The following REPS1 variants were observed in gnomAD, a reference collection of about 807,000 sequenced individuals.
The protein encoded by REPS1 is ralBP1-associated Eps domain-containing protein 1.
In REPS1, 39 loss-of-function variants were observed where a neutral mutation model predicts 100.9. The observed-to-expected ratio is 0.39, with a 90% CI of 0.30 to 0.50. REPS1 has a LOEUF of 0.50. Among genes scored for constraint, REPS1 ranks in the 20% least tolerant of loss-of-function variants. The probability of loss-of-function intolerance (pLI) is 0.86; values close to 1 mark genes in which losing one functional copy is unlikely to be tolerated. For synonymous variants in REPS1, 324 were observed against 340.3 expected (o/e 0.95, Z 0.53); for missense variants, 821 against 968.5 (o/e 0.85, Z 2.02).
intron 8 of REPS1, among the ~76,000 whole-genome samples, chr6:138,930,574 A>G (rs1781427345): frequency 6.6e-6 from 1 of 152,208 alleles, no homozygotes; most frequent in East Asian, 1.9e-4. Flanking sequence ...CAAAGTTTAA[A>G]ATAAGCTTTG....
intron 9 of REPS1, chr6:138,928,676 C>A (rs993334751): frequency 6.6e-6 from 1 of 152,086 alleles, no homozygotes; most frequent in African/African-American, 2.4e-5. Flanking sequence ...ATTTGAGATG[C>A]TTTAGAAAGA....
intron 1 of REPS1, among the ~76,000 whole-genome samples, chr6:138,962,383 G>A (rs1351977087): frequency 6.6e-6 from 1 of 151,466 alleles, no homozygotes; most frequent in Non-Finnish European, 1.5e-5. Flanking sequence ...TTATTCTAAG[G>A]CCATCAATGA....
At chr6:138,949,542 C>T (rs375077071) in intron 1 of REPS1, among the ~76,000 whole-genome samples, 26 of 152,002 alleles carry the variant, frequency 1.7e-4, no homozygotes, top group Admixed American at 3.3e-4. Context: ...GTCTGGCCAA[C>T]ACGGTGAAAC....
chr6:138,977,288 A>G (rs1468388978), intron 1 of REPS1, among the ~76,000 whole-genome samples: 1 of 152,216 alleles, frequency 6.6e-6, no homozygotes, highest in South Asian at 2.1e-4. Context: ...GACAGTCCAT[A>G]TAAATGTAAC....
intron 4 of REPS1, 38 bp from the exon 5 acceptor site, chr6:138,944,660 G>A (rs1178148564): frequency 4.5e-6 from 7 of 1,573,024 alleles, no homozygotes; most frequent in Middle Eastern, 3.4e-4. Flanking sequence ...ACTCATGTTT[G>A]AGGAAAAAAG....
chr6:138,917,050 T>A (rs574298969), intron 13 of REPS1, among the ~76,000 whole-genome samples: 4 of 152,194 alleles, frequency 2.6e-5, no homozygotes, highest in Non-Finnish European at 5.9e-5. Flanking sequence ...GATGCTTCTG[T>A]CCTGCACACA....
intron 1 of REPS1, among the ~76,000 whole-genome samples, chr6:138,982,358 T>C (rs1298008453): frequency 3.9e-5 from 6 of 152,250 alleles, no homozygotes; most frequent in Non-Finnish European, 5.9e-5. Context: ...CTAAAGATTT[T>C]CAGCTTCATT....
chr6:138,929,756 C>T (rs1375986117), intron 9 of REPS1: 2 of 363,860 alleles, frequency 5.5e-6, no homozygotes, highest in Non-Finnish European at 9.8e-6. Flanking sequence ...TCTAAACTCA[C>T]AAGGTTTTAA....
chr6:138,905,439 C>T (rs1463727101), intron 19 of REPS1, among the ~76,000 whole-genome samples: 5 of 148,762 alleles, frequency 3.4e-5, no homozygotes, highest in Non-Finnish European at 6.0e-5. Context: ...CTACAGGCGC[C>T]CGCCACCGCG....
At chr6:138,936,622 TG>T (rs781284903) in intron 8 of REPS1, among the ~76,000 whole-genome samples, 109 of 48,936 alleles carry the variant, frequency 2.2e-3, no homozygotes, top group East Asian at 0.013. Flanking sequence ...AGAGTATGTT[TG>T]GGGGGGGGTA....
At chr6:138,957,114 A>T (rs1291071577) in intron 1 of REPS1, among the ~76,000 whole-genome samples, 1 of 152,168 alleles carries the variant, frequency 6.6e-6, no homozygotes. Flanking sequence ...AAAATAGAAG[A>T]GTAAATCATT....
intron 13 of REPS1, among the ~76,000 whole-genome samples, chr6:138,916,610 T>C (rs1021964586): frequency 2.0e-5 from 3 of 152,138 alleles, no homozygotes; most frequent in Non-Finnish European, 2.9e-5. Context: ...AATAATAGTC[T>C]GAAAAAAAAT....
intron 1 of REPS1, among the ~76,000 whole-genome samples, chr6:138,969,615 G>A (rs1044542965): frequency 1.3e-5 from 2 of 151,838 alleles, no homozygotes; most frequent in African/African-American, 4.8e-5. Context: ...CATCAAAATG[G>A]TTGGCAACCT....
chr6:138,980,502 C>A (rs1395016291), intron 1 of REPS1, among the ~76,000 whole-genome samples: 1 of 152,044 alleles, frequency 6.6e-6, no homozygotes, highest in African/African-American at 2.4e-5. Context: ...CAGCCTCAGG[C>A]CCTTCCCAGT....
At chr6:138,916,127 T>C (rs1288656604) in intron 13 of REPS1, 151 bp from the exon 14 acceptor site, 1 of 683,588 alleles carries the variant, frequency 1.5e-6, no homozygotes, top group Non-Finnish European at 2.6e-6. Context: ...TAAATTAAGA[T>C]AGCACTGTTT....
At chr6:138,981,634 C>T (rs1292298467) in intron 1 of REPS1, among the ~76,000 whole-genome samples, 1 of 152,194 alleles carries the variant, frequency 6.6e-6, no homozygotes, top group Non-Finnish European at 1.5e-5. Flanking sequence ...AGACTTTGTG[C>T]TACTTTTAAA....
intron 2 of REPS1, among the ~76,000 whole-genome samples, 176 bp downstream of exon 2, chr6:138,947,614 T>C (rs1782726290): frequency 6.6e-6 from 1 of 152,152 alleles, no homozygotes. Flanking sequence ...AGGTCAGACA[T>C]ATTTTTCTAG....
chr6:138,930,578 A>C (rs1781427665), intron 8 of REPS1, among the ~76,000 whole-genome samples: 1 of 152,188 alleles, frequency 6.6e-6, no homozygotes, highest in Non-Finnish European at 1.5e-5. Flanking sequence ...GTTTAAAATA[A>C]GCTTTGTTTA....
At chr6:138,918,231 G>A (rs1780535550) in intron 12 of REPS1, among the ~76,000 whole-genome samples, 1 of 152,094 alleles carries the variant, frequency 6.6e-6, no homozygotes, top group African/African-American at 2.4e-5. Flanking sequence ...GATTACAGGT[G>A]TGAGCCACCG....
Sources: allele counts gnomAD v4.1 joint callset (sites outside exome capture counted in the v4.1 genomes callset), GRCh38; gene constraint gnomAD v4.1.1; transcripts MANE v1.5; gene names NCBI Gene and HGNC (gene_info 2026-07-23, HGNC 2026-07-21).